IRAG2: variants seen among roughly 807,000 people sequenced by gnomAD.
IRAG2 encodes the protein inositol 1,4,5-triphosphate receptor associated 2.
Under a neutral mutation model 69.9 loss-of-function variants are expected in IRAG2, and 45 were observed. The observed-to-expected ratio is 0.64, with a 90% CI of 0.51 to 0.83. The LOEUF is 0.83. IRAG2 is among the 40% of genes least tolerant of loss of function. The probability of loss-of-function intolerance (pLI) is 0.00; values close to 1 mark genes in which losing one functional copy is unlikely to be tolerated. For missense variants in IRAG2, 520 were observed against 587.0 expected (o/e 0.89, Z 1.18); for synonymous variants, 193 against 202.4 (o/e 0.95, Z 0.40).
intron 2 of IRAG2, among the ~76,000 whole-genome samples, chr12:25,006,814 G>A (rs1469157833): frequency 1.3e-5 from 2 of 151,938 alleles, no homozygotes; most frequent in Admixed American, 1.3e-4. Flanking sequence ...TCAGCAACAC[G>A]CAATTTACTC....
rs778166604 is a variant in IRAG2, at chr12:25,090,234, C to T, written c.606+37C>T. 39 of 1,598,630 alleles carry T rather than the reference C, an allele frequency of 2.4e-5. No individual in the cohort carries two copies. The East Asian group carries it at 8.3e-4, about 34-fold the overall frequency. On this transcript the variant is annotated intron_variant, in intron 14 of 21. Transcript: ENST00000556887. ...AACATTTGGGATATAAACATTTGGT[C>T]TAGCCAGGCACAGTGGCTCACACCT...
At chr12:25,083,022 G>T (rs901123142) in intron 9 of IRAG2, among the ~76,000 whole-genome samples, 1 of 151,974 alleles carries the variant, frequency 6.6e-6, no homozygotes, top group African/African-American at 2.4e-5. Context: ...TTTGTTATCA[G>T]CCTTGCAAAT....
chr12:25,041,663 T>G lies in IRAG2; in HGVS notation c.2144+3526T>G, dbSNP rs974158614. Among the ~76,000 whole-genome samples, 96 of 97,626 alleles carry G rather than the reference T, an allele frequency of 9.8e-4. 1 individual carries two copies. The highest frequency in any genetic ancestry group is 1.2e-3 in the Non-Finnish European group (52 of 42,862). The allele number at this position is 97,626 out of a possible 152,430, so 64.0% of individuals were successfully genotyped here. On this transcript the variant is annotated intron_variant, in intron 16 of 38. Coordinates refer to the IRAG2 transcript ENST00000636465. ...TGCCGCTATGCTCCGCTAAGTTTTGTTTTTTTTTGTTTTTTTTTTTTTCAG... is the reference window on the plus strand; with the variant it reads ...TGCCGCTATGCTCCGCTAAGTTTTGGTTTTTTTTGTTTTTTTTTTTTTCAG...
intron 17 of IRAG2, chr12:25,102,623 C>T (rs1252969663): frequency 5.3e-6 from 1 of 187,040 alleles, no homozygotes; most frequent in Non-Finnish European, 1.1e-5. Context: ...GATCCAGGCA[C>T]CAAGCCCTCA....
intron 16 of IRAG2, among the ~76,000 whole-genome samples, chr12:25,044,603 A>T (rs1944777422): frequency 6.6e-6 from 1 of 152,188 alleles, no homozygotes; most frequent in Non-Finnish European, 1.5e-5. Flanking sequence ...AGCAAATGGT[A>T]GCCAAAAGAG....
intron 6 of IRAG2, among the ~76,000 whole-genome samples, chr12:25,077,756 T>C (rs933760851): frequency 3.3e-5 from 5 of 152,132 alleles, no homozygotes; most frequent in African/African-American, 7.2e-5. Flanking sequence ...TAAACTGGTG[T>C]CATGAGGGGT....
At chr12:25,055,519 A>T (rs898363211) in intron 1 of IRAG2, among the ~76,000 whole-genome samples, 1 of 152,118 alleles carries the variant, frequency 6.6e-6, no homozygotes, top group African/African-American at 2.4e-5. Flanking sequence ...CAGGTTTGTT[A>T]TATATGTATA....
upstream of IRAG2, among the ~76,000 whole-genome samples, chr12:25,050,562 C>A (rs1444959542): frequency 2.0e-3 from 259 of 128,024 alleles, 10 homozygotes; most frequent in South Asian, 2.8e-3. Context: ...CAAAAAAAAA[C>A]AGTTACAGAG....
intron 16 of IRAG2, among the ~76,000 whole-genome samples, chr12:25,042,756 C>T (rs895514775): frequency 4.6e-5 from 7 of 151,914 alleles, no homozygotes; most frequent in Middle Eastern, 3.4e-3. Context: ...TGAACCACCG[C>T]GCCTGGCCCC....
chr12:25,083,311 G>A, intron 9 of IRAG2, 112 bp from the exon 10 acceptor site: 1 of 767,070 alleles, frequency 1.3e-6, no homozygotes. Context: ...TGTCTCATAT[G>A]TTAAGACCTT....
chr12:25,079,133 GAGTAAATATGGGTTCATTT>G, intron 6 of IRAG2, 92 bp from the exon 7 acceptor site: 1 of 1,039,390 alleles, frequency 9.6e-7, no homozygotes, highest in Non-Finnish European at 1.5e-6. Context: ...CAAAAGAGCT[GAGTAAATATGGGTTCATTT>G]AGAATTGTAT....
At chr12:25,071,549 C>T (rs12305412) in intron 6 of IRAG2, among the ~76,000 whole-genome samples, 3,755 of 152,188 alleles carry the variant, frequency 0.025, 141 homozygotes, top group African/African-American at 0.077. Flanking sequence ...GAACTTTGTA[C>T]AAAAGCATTC....
At chr12:25,105,332 T>G (rs1251955382) in intron 20 of IRAG2, among the ~76,000 whole-genome samples, 1 of 152,264 alleles carries the variant, frequency 6.6e-6, no homozygotes, top group South Asian at 2.1e-4. Context: ...CGCCTCGGCC[T>G]CCCAAAGTGC....
At chr12:25,014,413 G>A (rs898473332) in intron 3 of IRAG2, among the ~76,000 whole-genome samples, 1 of 152,148 alleles carries the variant, frequency 6.6e-6, no homozygotes, top group Non-Finnish European at 1.5e-5. Context: ...CCCAACTTGT[G>A]ACAGACATCT....
chr12:25,103,736 T>C, intron 17 of IRAG2, 101 bp from the exon 18 acceptor site: 1 of 815,006 alleles, frequency 1.2e-6, no homozygotes, highest in Non-Finnish European at 2.0e-6. Flanking sequence ...TCAGCTGTGG[T>C]CAAGTACACG....
chr12:25,071,881 G>A (rs971695695), intron 6 of IRAG2, among the ~76,000 whole-genome samples: 11 of 151,524 alleles, frequency 7.3e-5, no homozygotes, highest in Admixed American at 3.3e-4. Flanking sequence ...GTGACTGCGT[G>A]GTTTTGTCTG....
At chr12:25,056,666 T>A (rs1945276162) in intron 1 of IRAG2, among the ~76,000 whole-genome samples, 3 of 152,202 alleles carry the variant, frequency 2.0e-5, no homozygotes, top group African/African-American at 7.2e-5. Flanking sequence ...ATAACATGAA[T>A]CATCTCATTT....
chr12:25,049,835 T>C (rs2139871736), upstream of IRAG2, among the ~76,000 whole-genome samples: 1 of 151,672 alleles, frequency 6.6e-6, no homozygotes, highest in East Asian at 2.0e-4. Flanking sequence ...ACAAAAAAAT[T>C]AGCCAGGCAT....
At chr12:25,096,430 G>A (rs1948424513) in intron 14 of IRAG2, among the ~76,000 whole-genome samples, 1 of 152,112 alleles carries the variant, frequency 6.6e-6, no homozygotes, top group Admixed American at 6.5e-5. Flanking sequence ...TGTGTAAAGG[G>A]CACAGGATTG....
Sources: gnomAD v4.1 joint callset for allele counts (sites outside exome capture counted in the v4.1 genomes callset) on GRCh38, gnomAD v4.1.1 for gene constraint, MANE v1.5 for transcripts, NCBI Gene and HGNC (gene_info 2026-07-23, HGNC 2026-07-21) for gene names.